The following VPS13B variants were observed in gnomAD, a reference collection of about 807,000 sequenced individuals.
VPS13B encodes the protein vacuolar protein sorting 13 homolog B.
Under a neutral mutation model 426.4 loss-of-function variants are expected in VPS13B, and 285 were observed. The ratio of observed to expected loss-of-function variants is 0.67; its 90% CI spans 0.61 to 0.74. VPS13B has a LOEUF of 0.74. Ranked by LOEUF, VPS13B falls within the 30% of genes least tolerant of loss-of-function variation. The pLI is 0.00. For synonymous variants in VPS13B, 1,676 were observed against 1,676.4 expected, an observed-to-expected ratio of 1.00 and a Z score of 0.01; for missense variants, 4,537 against 4,782.6, an observed-to-expected ratio of 0.95 and a Z score of 1.51.
chr8:99,383,793 A>G (rs893965671), intron 19 of VPS13B, among the ~76,000 whole-genome samples: 15 of 152,188 alleles, frequency 9.9e-5, no homozygotes, highest in African/African-American at 3.4e-4. Flanking sequence ...ATGTATCAGT[A>G]CTTCATTTCT....
intron 57 of VPS13B, among the ~76,000 whole-genome samples, chr8:99,860,612 A>C (rs1816787671): frequency 6.6e-6 from 1 of 152,262 alleles, no homozygotes. Flanking sequence ...GTGCGCACAC[A>C]GATATTTTTC....
At chr8:99,372,964 CA>C (rs534069684) in intron 19 of VPS13B, among the ~76,000 whole-genome samples, 38 of 152,214 alleles carry the variant, frequency 2.5e-4, no homozygotes, top group Non-Finnish European at 4.4e-4. Context: ...CCCATATCCA[CA>C]GTGGAATACT....
intron 35 of VPS13B, chr8:99,697,320 G>A (rs1832069188): frequency 3.5e-6 from 2 of 577,000 alleles, no homozygotes; most frequent in Non-Finnish European, 6.2e-6. Context: ...GCCCGAAGGT[G>A]TGGAAGCCAC....
chr8:99,501,542 TG>T, intron 25 of VPS13B, 144 bp from the exon 26 acceptor site: 2 of 767,358 alleles, frequency 2.6e-6, no homozygotes, highest in Admixed American at 2.5e-5. Flanking sequence ...CATTATGTAT[TG>T]GTATTAACAT....
At chr8:99,836,796 G>A (rs1016656984) in intron 54 of VPS13B, among the ~76,000 whole-genome samples, 2 of 152,094 alleles carry the variant, frequency 1.3e-5, no homozygotes, top group African/African-American at 4.8e-5. Context: ...TACACCATAC[G>A]AGGCATTGTG....
At chr8:99,731,418 A>G (rs904601978) in intron 39 of VPS13B, among the ~76,000 whole-genome samples, 3 of 152,208 alleles carry the variant, frequency 2.0e-5, no homozygotes, top group Admixed American at 6.5e-5. Flanking sequence ...AAGTTAAGGG[A>G]GTAAAACCAG....
chr8:99,582,568 ATTG>A, intron 33 of VPS13B, among the ~76,000 whole-genome samples: 1 of 152,128 alleles, frequency 6.6e-6, no homozygotes, highest in Non-Finnish European at 1.5e-5. Flanking sequence ...TGATATAAAT[ATTG>A]TTCATTGCTT....
At chr8:99,449,371 T>C (rs1211782199) in intron 23 of VPS13B, among the ~76,000 whole-genome samples, 9 of 152,196 alleles carry the variant, frequency 5.9e-5, no homozygotes, top group Non-Finnish European at 1.3e-4. Context: ...TTGGTCCATA[T>C]GGTGAAGTAT....
At chr8:99,019,995 A>C (rs1841808070) in intron 2 of VPS13B, among the ~76,000 whole-genome samples, 1 of 152,194 alleles carries the variant, frequency 6.6e-6, no homozygotes, top group Admixed American at 6.5e-5. Flanking sequence ...ATATACCCAG[A>C]AGTGGAATTG....
intron 33 of VPS13B, among the ~76,000 whole-genome samples, chr8:99,590,149 T>C (rs950661521): frequency 6.6e-6 from 1 of 152,202 alleles, no homozygotes. Context: ...TATGCTGTCA[T>C]GGTGGTTTCT....
Position 99,854,350 on chromosome 8 carries a change from A to C in VPS13B, c.10867+94A>C. Reference sequence around the variant, plus strand: ...ACCTCATTTCAAGACCTAAAGAAGCAATTGGCAAGAGGTGACACACCTGAG... The same window carrying C: ...ACCTCATTTCAAGACCTAAAGAAGCCATTGGCAAGAGGTGACACACCTGAG... On this transcript the variant is annotated intron_variant, in intron 56 of 61. Coordinates refer to ENST00000357162, the MANE Select transcript of VPS13B (RefSeq NM_152564.5). 5 of 1,394,428 alleles carry C rather than the reference A, an allele frequency of 3.6e-6. No individual in the cohort carries two copies. In the South Asian group the frequency reaches 6.2e-5, roughly 17 times the overall value. 86.4% of individuals were successfully genotyped at this position (1,394,428 alleles called of 1,614,324 possible). A position where few individuals can be genotyped will look rare whatever the true frequency, so the allele number is the denominator to read the frequency against.
At chr8:99,480,601 A>G (rs1243757865) in intron 24 of VPS13B, among the ~76,000 whole-genome samples, 5 of 152,152 alleles carry the variant, frequency 3.3e-5, no homozygotes, top group African/African-American at 1.2e-4. Flanking sequence ...TTTTAATAAG[A>G]TTTTTAGCTA....
chr8:99,402,133 G>A (rs1054549184), intron 21 of VPS13B, among the ~76,000 whole-genome samples: 1 of 152,194 alleles, frequency 6.6e-6, no homozygotes, highest in African/African-American at 2.4e-5. Context: ...TCACTGTGCA[G>A]TGGTTACCAA....
rs536688455 is a variant in VPS13B at position 99,697,544 on chromosome 8, G to A, written c.6047-1981G>A. On this transcript the variant is annotated intron_variant, in intron 35 of 61. Transcript: ENST00000357162. ...GGAGCTGGAGCTGCTGAAGGAGGACGTGCAGGACTACAGCGAGAACATGCA... is the reference window on the plus strand; with the variant it reads ...GGAGCTGGAGCTGCTGAAGGAGGACATGCAGGACTACAGCGAGAACATGCA... 1.8e-4 allele frequency: 130 copies of A among 717,646 alleles called. 2 individuals carry two copies. The highest frequency in any genetic ancestry group is 1.6e-3 in the South Asian group (99 of 63,346). 44.5% of individuals were successfully genotyped at this position (717,646 alleles called of 1,614,324 possible). A position where few individuals can be genotyped will look rare whatever the true frequency, so the allele number is the denominator to read the frequency against.
Position 99,136,913 on chromosome 8 carries a change from T to TA in VPS13B, c.1651+162dup, listed in dbSNP as rs1810099254. Among the ~76,000 whole-genome samples, 2 of 152,320 alleles carry TA rather than the reference T, an allele frequency of 1.3e-5. 1 individual carries two copies. The highest frequency in any genetic ancestry group is 6.8e-3 in the Middle Eastern group (2 of 294). ...TTTTAACATCATGTTAGAATTGTCT[T>TA]AGATTCTTGTCATTTCAAATCCATT... On this transcript the variant is annotated intron_variant, in intron 12 of 61. Coordinates refer to ENST00000357162, the MANE Select transcript of VPS13B (RefSeq NM_152564.5).
intron 33 of VPS13B, among the ~76,000 whole-genome samples, chr8:99,607,312 A>G (rs1023689885): frequency 6.6e-6 from 1 of 152,224 alleles, no homozygotes; most frequent in East Asian, 1.9e-4. Context: ...ATCTGGATAG[A>G]TGGAGCCCAA....
At chr8:99,548,784 T>A (rs544032246) in intron 30 of VPS13B, among the ~76,000 whole-genome samples, 1 of 152,076 alleles carries the variant, frequency 6.6e-6, no homozygotes, top group East Asian at 1.9e-4. Context: ...GCATTACTAC[T>A]GTATTTTCTT....
chr8:99,064,565 GT>G (rs1360888530), intron 3 of VPS13B, among the ~76,000 whole-genome samples: 1 of 152,136 alleles, frequency 6.6e-6, no homozygotes, highest in African/African-American at 2.4e-5. Flanking sequence ...AGAAACAAGA[GT>G]AAAAAGAAAT....
At chr8:99,239,749 C>G (rs561010558) in intron 17 of VPS13B, among the ~76,000 whole-genome samples, 42 of 152,214 alleles carry the variant, frequency 2.8e-4, no homozygotes, top group Non-Finnish European at 4.9e-4. Context: ...AATCATACTT[C>G]AGGGACCCAA....
Sources: gnomAD v4.1 joint callset for allele counts (sites outside exome capture counted in the v4.1 genomes callset) on GRCh38, gnomAD v4.1.1 for gene constraint, MANE v1.5 for transcripts, NCBI Gene and HGNC (gene_info 2026-07-23, HGNC 2026-07-21) for gene names.